Variants in RFC4 observed in about 807,000 individuals in gnomAD.
RFC4 encodes replication factor C subunit 4.
A neutral mutation model predicts 47.6 loss-of-function variants in RFC4; 38 were observed. That is an observed-to-expected ratio of 0.80 (90% CI 0.62 to 1.05). RFC4 has a LOEUF of 1.05. Among genes scored for constraint, RFC4 ranks in the 50% least tolerant of loss-of-function variants. RFC4 has a pLI of 0.00. For missense variants in RFC4, 489 were observed against 434.0 expected (o/e 1.13, Z -1.13); for synonymous variants, 164 against 150.0 (o/e 1.09, Z -0.68).
intron 1 of RFC4, among the ~76,000 whole-genome samples, chr3:186,806,081 A>C (rs2108475036): frequency 6.6e-6 from 1 of 152,384 alleles, no homozygotes; most frequent in South Asian, 2.1e-4. Flanking sequence ...GGATTAGTCC[A>C]TCCCTGCCTC....
rs139010607 is a variant in RFC4, at chr3:186,796,190, G to A, written c.290+1345C>T. ...ATTTTAAAGCCACAATATTAAATAT[G>A]AAATTCACTGTTAAAGTAAGTTCTT... On this transcript the variant is annotated intron_variant, in intron 4 of 10. Transcript: ENST00000296273. The surrounding 1 kb of genome is among the most constrained non-coding windows in gnomAD (Gnocchi z 4.2). Among the ~76,000 whole-genome samples the A allele has an allele frequency of 5.4e-3, 726 of 135,142 alleles. 6 individuals are homozygous for A. The highest frequency in any genetic ancestry group is 0.018 in the African/African-American group (687 of 37,954). 88.7% of individuals were successfully genotyped at this position (135,142 alleles called of 152,430 possible). A position where few individuals can be genotyped will look rare whatever the true frequency, so the allele number is the denominator to read the frequency against.
chr3:186,804,731 A>G lies in RFC4; in HGVS notation c.-11-7T>C. The G allele has an allele frequency of 6.2e-7, 1 of 1,607,374 alleles. No homozygotes were observed. Among genetic ancestry groups the G allele is most frequent in the Non-Finnish European group, 8.5e-7 (1 of 1,176,728 alleles). On this transcript the variant is annotated splice_region_variant and splice_polypyrimidine_tract_variant and intron_variant, in intron 1 of 10. Transcript: ENST00000296273. The stretch of plus-strand genomic sequence containing the variant: ...GCTTGCATGGTACTTCACCCTGGTC[A>G]GGTGCAAGACAGAAAAAAAAAGCTT...
At chr3:186,800,050 G>A (rs1313894018) in intron 3 of RFC4, among the ~76,000 whole-genome samples, 1 of 152,086 alleles carries the variant, frequency 6.6e-6, no homozygotes, top group Non-Finnish European at 1.5e-5. Context: ...CCGCCTCCCA[G>A]GTTCAAATGA....
At chr3:186,791,497 A>G in intron 8 of RFC4, 1 of 523,444 alleles carries the variant, frequency 1.9e-6, no homozygotes, top group Non-Finnish European at 3.5e-6. Context: ...AAAACTAACA[A>G]CTGAAAGTGT....
At position 186,803,062 on chromosome 3, in the gene RFC4, G is replaced by A. The variant is rs182779798; in HGVS notation, c.131+1521C>T. ...TGGTGCCAAACAAAACATATAAGGG[G>A]CTGGGCGCAGTGACTCACGCCTGTA... On this transcript the variant is annotated intron_variant, in intron 2 of 10. Transcript: ENST00000296273. Among the ~76,000 whole-genome samples the A allele has an allele frequency of 4.6e-5, 7 of 152,284 alleles. No homozygotes were observed. In the East Asian group the frequency reaches 1.4e-3, roughly 29 times the overall value.
chr3:186,802,926 A>G lies in RFC4; in HGVS notation c.131+1657T>C, dbSNP rs550311592. On this transcript the variant is annotated intron_variant, in intron 2 of 10. Transcript: ENST00000296273. ...GGAGAAGCAGTACACAAGTCCATAT[A>G]ACTCCTGTCATGTGAGAACCTGCCC... Among the ~76,000 whole-genome samples the G allele has an allele frequency of 5.3e-5, 8 of 152,292 alleles. No individual in the cohort carries two copies. The East Asian group carries it at 1.5e-3, about 29-fold the overall frequency.
In RFC4 at chr3:186,796,331, G is replaced by A. The variant is rs1579180078; in HGVS notation, c.290+1204C>T. 6.6e-6 allele frequency among the ~76,000 whole-genome samples: 1 copy of A among 152,174 alleles called. No homozygotes were observed. The highest frequency in any genetic ancestry group is 6.5e-5 in the Admixed American group (1 of 15,274). ...TGATTCAGATTGGTTCTATCTGATTGAGTTGTGGAATAATCAAAAAAGTTC... is the reference window on the plus strand; with the variant it reads ...TGATTCAGATTGGTTCTATCTGATTAAGTTGTGGAATAATCAAAAAAGTTC... On this transcript the variant is annotated intron_variant, in intron 4 of 10. Coordinates refer to ENST00000296273, the MANE Select transcript of RFC4 (RefSeq NM_002916.5). The surrounding 1 kb of genome is among the most constrained non-coding windows in gnomAD (Gnocchi z 4.2).
chr3:186,798,533 A>G (rs1722289279), intron 3 of RFC4, among the ~76,000 whole-genome samples: 1 of 152,024 alleles, frequency 6.6e-6, no homozygotes, highest in Admixed American at 6.6e-5. Context: ...TCCACTTAGA[A>G]AAACAAAAAC....
chr3:186,790,500 T>C (rs1225411892), intron 8 of RFC4, 94 bp from the exon 9 acceptor site: 2 of 858,038 alleles, frequency 2.3e-6, no homozygotes, highest in East Asian at 2.5e-5. Flanking sequence ...TCATTTCTGT[T>C]CCACACCTAA....
In RFC4 at chr3:186,794,644, G is replaced by A; in HGVS notation, c.410+14C>T. The A allele has an allele frequency of 1.2e-6, 2 of 1,610,798 alleles. No homozygotes were observed. Among genetic ancestry groups the A allele is most frequent in the Non-Finnish European group, 1.7e-6 (2 of 1,178,442 alleles). On this transcript the variant is annotated intron_variant, in intron 5 of 10. Transcript: ENST00000296273. ...TAATACATGCTATGGAGGAGGGAGG[G>A]CAAATTTACTTACTCTGAGCGACTT...
chr3:186,802,351 C>T (rs1722376849), intron 2 of RFC4, among the ~76,000 whole-genome samples: 5 of 152,026 alleles, frequency 3.3e-5, no homozygotes, highest in Admixed American at 3.3e-4. Context: ...AGCATTGTTC[C>T]ACTTTGACAA....
At chr3:186,799,875 A>C (rs546873712) in intron 3 of RFC4, among the ~76,000 whole-genome samples, 36 of 152,354 alleles carry the variant, frequency 2.4e-4, no homozygotes, top group African/African-American at 7.5e-4. Flanking sequence ...CAAGCAGAAT[A>C]TACCAAAAAA....
intron 8 of RFC4, 170 bp downstream of exon 8, chr3:186,791,555 T>G: frequency 1.5e-6 from 1 of 664,294 alleles, no homozygotes; most frequent in South Asian, 1.6e-5. Context: ...AACTGAAAAG[T>G]CAGTGCTATC....
chr3:186,794,905 AC>A, intron 4 of RFC4, 128 bp from the exon 5 acceptor site: 2 of 1,026,268 alleles, frequency 1.9e-6, no homozygotes, highest in Non-Finnish European at 1.4e-6. Flanking sequence ...GCACACAATC[AC>A]TTTTGCATTC....
chr3:186,790,701 C>T (rs3917139), intron 8 of RFC4, among the ~76,000 whole-genome samples: 2 of 151,928 alleles, frequency 1.3e-5, no homozygotes, highest in Admixed American at 6.6e-5. Context: ...TTTCCCCTAG[C>T]GGCTATAACG....
intron 2 of RFC4, chr3:186,801,584 G>A (rs554418369): frequency 2.7e-4 from 46 of 168,694 alleles, no homozygotes; most frequent in East Asian, 1.1e-3. Context: ...GGTGGTGAGC[G>A]CCTGTAGTCC....
chr3:186,799,332 C>T (rs1222457868), intron 3 of RFC4, among the ~76,000 whole-genome samples: 1 of 152,138 alleles, frequency 6.6e-6, no homozygotes, highest in East Asian at 1.9e-4. Context: ...TTCCTTTACT[C>T]TTTTGAATTA....
chr3:186,790,280 T>G (rs1425484991), intron 9 of RFC4, 25 bp from the exon 10 acceptor site: 5 of 1,610,780 alleles, frequency 3.1e-6, no homozygotes, highest in Non-Finnish European at 4.2e-6. Context: ...ACTTTTGGTA[T>G]GATGACTTAA....
chr3:186,792,604 A>G lies in RFC4; in HGVS notation c.561T>C (p.Ile187=), dbSNP rs1222307969. ...CLICNYVSRI[I]EPLTSRCSKF... Reference sequence around the variant, plus strand: ...TTGAACATCTAGAGGTCAGGGGTTCAATTATTCTGTGGAAGATGAGAAAAA... The same window carrying G: ...TTGAACATCTAGAGGTCAGGGGTTCGATTATTCTGTGGAAGATGAGAAAAA... The change falls in exon 7 of 11, where the codon ATT becomes ATC. Residue 187 remains isoleucine (I), a synonymous_variant. Coordinates refer to ENST00000296273, the MANE Select transcript of RFC4 (RefSeq NM_002916.5). 6.2e-7 allele frequency: 1 copy of G among 1,612,348 alleles called. No homozygotes were observed. Among genetic ancestry groups the G allele is most frequent in the East Asian group, 2.2e-5 (1 of 44,842 alleles).
Sources: allele counts gnomAD v4.1 joint callset (sites outside exome capture counted in the v4.1 genomes callset), GRCh38; gene constraint gnomAD v4.1.1; non-coding constraint Gnocchi (gnomAD v3.1); transcripts MANE v1.5; gene names NCBI Gene and HGNC (gene_info 2026-07-23, HGNC 2026-07-21).